Variants in OXCT1 observed in about 807,000 individuals in gnomAD.
OXCT1 encodes succinyl-CoA:3-ketoacid coenzyme A transferase 1, mitochondrial.
Under a neutral mutation model 69.6 loss-of-function variants are expected in OXCT1, and 27 were observed. The observed-to-expected ratio is 0.39, with a 90% CI of 0.29 to 0.54. OXCT1 has a LOEUF of 0.54. Ranked by LOEUF, OXCT1 falls within the 20% of genes least tolerant of loss-of-function variation. The probability of loss-of-function intolerance (pLI) is 0.72; values close to 1 mark genes in which losing one functional copy is unlikely to be tolerated. For missense variants in OXCT1, 437 were observed against 650.2 expected, an observed-to-expected ratio of 0.67 and a Z score of 3.57; for synonymous variants, 202 against 217.8, an observed-to-expected ratio of 0.93 and a Z score of 0.64.
At chr5:41,746,085 G>A (rs1207249192) in intron 15 of OXCT1, among the ~76,000 whole-genome samples, 1 of 152,078 alleles carries the variant, frequency 6.6e-6, no homozygotes, top group Non-Finnish European at 1.5e-5. Flanking sequence ...AAGCCTGGCA[G>A]AGACACAACA....
At chr5:41,734,729 CAGA>C (rs1742804698) in intron 16 of OXCT1, among the ~76,000 whole-genome samples, 1 of 152,110 alleles carries the variant, frequency 6.6e-6, no homozygotes, top group Non-Finnish European at 1.5e-5. Context: ...AAAAGACAGA[CAGA>C]AGACTATATC....
chr5:41,856,863 G>A (rs1270772524), intron 3 of OXCT1, among the ~76,000 whole-genome samples: 1 of 152,158 alleles, frequency 6.6e-6, no homozygotes, highest in Non-Finnish European at 1.5e-5. Context: ...TAAGGATTCC[G>A]TTGTTCAAGG....
At chr5:41,866,202 A>G (rs1031845079) in intron 1 of OXCT1, among the ~76,000 whole-genome samples, 18 of 152,166 alleles carry the variant, frequency 1.2e-4, no homozygotes, top group Non-Finnish European at 2.6e-4. Flanking sequence ...CCAACTTGTC[A>G]TTTATTGGAG....
At chr5:41,738,013 C>T (rs895109801) in intron 16 of OXCT1, among the ~76,000 whole-genome samples, 6 of 151,972 alleles carry the variant, frequency 3.9e-5, no homozygotes, top group Non-Finnish European at 8.8e-5. Flanking sequence ...CAAGATCGCG[C>T]CACTGCACTC....
At chr5:41,777,925 T>A (rs373175657) in intron 13 of OXCT1, among the ~76,000 whole-genome samples, 104 of 152,338 alleles carry the variant, frequency 6.8e-4, no homozygotes, top group African/African-American at 2.4e-3. Context: ...TTTTGCCTTT[T>A]AATACAGCCA....
intron 13 of OXCT1, among the ~76,000 whole-genome samples, chr5:41,791,690 A>G (rs929192385): frequency 2.0e-5 from 3 of 152,244 alleles, no homozygotes; most frequent in Non-Finnish European, 4.4e-5. Flanking sequence ...TGATTTCAAA[A>G]ATCATTAGTC....
At chr5:41,743,783 T>C (rs1203320049) in intron 15 of OXCT1, among the ~76,000 whole-genome samples, 2 of 152,222 alleles carry the variant, frequency 1.3e-5, no homozygotes, top group African/African-American at 4.8e-5. Flanking sequence ...AAAGATCAGA[T>C]AGTTGTACAT....
At chr5:41,839,731 T>C (rs374032809) in intron 7 of OXCT1, among the ~76,000 whole-genome samples, 1 of 152,172 alleles carries the variant, frequency 6.6e-6, no homozygotes, top group Non-Finnish European at 1.5e-5. Flanking sequence ...CAGGAACCTA[T>C]GTATTTTCAA....
intron 13 of OXCT1, among the ~76,000 whole-genome samples, chr5:41,787,605 T>C (rs1745701255): frequency 1.4e-5 from 1 of 69,966 alleles, no homozygotes; most frequent in African/African-American, 5.4e-5. Context: ...AGTCAAAGCC[T>C]GAAAAAGAAC....
intron 14 of OXCT1, among the ~76,000 whole-genome samples, chr5:41,757,162 G>T (rs1485494080): frequency 6.6e-6 from 1 of 152,102 alleles, no homozygotes; most frequent in Non-Finnish European, 1.5e-5. Flanking sequence ...TGGCCACTGT[G>T]TGTGTTTAAG....
intron 15 of OXCT1, among the ~76,000 whole-genome samples, chr5:41,747,805 TG>T (rs1743570005): frequency 6.6e-6 from 1 of 152,094 alleles, no homozygotes; most frequent in South Asian, 2.1e-4. Flanking sequence ...TCACAAGATA[TG>T]TTAAAAGCTT....
At chr5:41,754,233 T>C (rs368706727) in intron 14 of OXCT1, among the ~76,000 whole-genome samples, 6 of 152,054 alleles carry the variant, frequency 3.9e-5, no homozygotes, top group Non-Finnish European at 8.8e-5. Flanking sequence ...CAATGGCAGG[T>C]CTATCTTTGG....
intron 11 of OXCT1, among the ~76,000 whole-genome samples, chr5:41,797,120 T>A (rs1746220262): frequency 1.3e-5 from 2 of 152,210 alleles, no homozygotes; most frequent in Admixed American, 6.5e-5. Flanking sequence ...AAGAAAAACA[T>A]TAAAAATTCC....
At chr5:41,846,230 A>G (rs1269745284) in intron 5 of OXCT1, among the ~76,000 whole-genome samples, 1 of 149,686 alleles carries the variant, frequency 6.7e-6, no homozygotes, top group Middle Eastern at 3.2e-3. Flanking sequence ...TGCTGCACCC[A>G]CTAACTCGTC....
intron 7 of OXCT1, among the ~76,000 whole-genome samples, chr5:41,817,944 G>A (rs776007526): frequency 5.3e-5 from 8 of 152,188 alleles, no homozygotes; most frequent in Non-Finnish European, 1.2e-4. Flanking sequence ...AAAGCCATCA[G>A]GAAGAACCAC....
chr5:41,735,156 C>A (rs1481920164), intron 16 of OXCT1, among the ~76,000 whole-genome samples: 1 of 152,200 alleles, frequency 6.6e-6, no homozygotes, highest in Non-Finnish European at 1.5e-5. Flanking sequence ...ATGTTCTTTG[C>A]AGCACTATTC....
chr5:41,852,116 G>A (rs1330049121), intron 4 of OXCT1, among the ~76,000 whole-genome samples: 2 of 152,224 alleles, frequency 1.3e-5, no homozygotes, highest in African/African-American at 4.8e-5. Context: ...CAAGCCTTCA[G>A]AACTGTGAGA....
chr5:41,850,295 G>T, intron 4 of OXCT1, 116 bp from the exon 5 acceptor site: 1 of 1,140,740 alleles, frequency 8.8e-7, no homozygotes, highest in Non-Finnish European at 1.3e-6. Context: ...AAAGTAGCTA[G>T]CATTGTACAT....
At chr5:41,805,785 T>C (rs1400563557) in intron 8 of OXCT1, 104 bp from the exon 9 acceptor site, 5 of 768,826 alleles carry the variant, frequency 6.5e-6, no homozygotes, top group Non-Finnish European at 1.2e-5. Flanking sequence ...TCTCTCCCAT[T>C]GTTATGAGAC....
Sources: allele counts gnomAD v4.1 joint callset (sites outside exome capture counted in the v4.1 genomes callset), GRCh38; gene constraint gnomAD v4.1.1; transcripts MANE v1.5; gene names NCBI Gene and HGNC (gene_info 2026-07-23, HGNC 2026-07-21).